FARP1: variants seen among roughly 807,000 people sequenced by gnomAD.
The protein encoded by FARP1 is FERM, ARHGEF and pleckstrin domain-containing protein 1.
In FARP1, 52 loss-of-function variants were observed where a neutral mutation model predicts 128.8. That is an observed-to-expected ratio of 0.40 (90% CI 0.32 to 0.51). The LOEUF is 0.51. Among genes scored for constraint, FARP1 ranks in the 20% least tolerant of loss-of-function variants. FARP1 has a pLI of 0.45. For synonymous variants in FARP1, 580 were observed against 551.8 expected, an observed-to-expected ratio of 1.05 and a Z score of -0.72; for missense variants, 1,333 against 1,367.9, an observed-to-expected ratio of 0.97 and a Z score of 0.40.
rs1241655054 is a variant in FARP1 at position 98,295,098 on chromosome 13, CACACACAT to C, written c.172-48662_172-48655del. 6.5e-3 allele frequency among the ~76,000 whole-genome samples: 163 copies of C among 25,218 alleles called. 3 individuals carry two copies. The highest frequency in any genetic ancestry group is 0.016 in the African/African-American group (117 of 7,534). 16.5% of individuals were successfully genotyped at this position (25,218 alleles called of 152,430 possible). On this transcript the variant is annotated intron_variant, in intron 2 of 26. Transcript: ENST00000319562. The stretch of plus-strand genomic sequence containing the variant: ...ACACACACACACACACACACACACA[CACACACAT>C]ATATCCCCAGGCATTATTTATTTAT...
intron 16 of FARP1, among the ~76,000 whole-genome samples, chr13:98,415,963 A>G (rs1192566902): frequency 6.6e-6 from 1 of 152,260 alleles, no homozygotes; most frequent in Admixed American, 6.5e-5. Flanking sequence ...TCTCCCATGC[A>G]GGGTGTTACG....
At chr13:98,399,684 C>T (rs1890686313) in intron 13 of FARP1, 1 of 152,190 alleles carries the variant, frequency 6.6e-6, no homozygotes, top group Non-Finnish European at 1.5e-5. Context: ...ACCAGCCACT[C>T]ACTGGCTGCT....
At chr13:98,278,820 G>GTTATTTATTTAT (rs370815386) in intron 2 of FARP1, among the ~76,000 whole-genome samples, 27 of 151,462 alleles carry the variant, frequency 1.8e-4, no homozygotes, top group African/African-American at 6.6e-4. Context: ...TCATTTTAAT[G>GTTATTTATTTAT]TTATTTATTT....
intron 3 of FARP1, among the ~76,000 whole-genome samples, chr13:98,361,059 G>A (rs7318969): frequency 6.6e-6 from 1 of 152,022 alleles, no homozygotes; most frequent in African/African-American, 2.4e-5. Flanking sequence ...TGTGACCCTC[G>A]CTGCATAGCA....
At chr13:98,222,401 G>A (rs4771297) in intron 2 of FARP1, among the ~76,000 whole-genome samples, 94,453 of 152,024 alleles carry the variant, frequency 0.62, 30,939 homozygotes, top group African/African-American at 0.84. Flanking sequence ...AAGTGAACCT[G>A]TGAGGCAGGT....
At chr13:98,249,830 A>G (rs969895304) in intron 2 of FARP1, among the ~76,000 whole-genome samples, 1 of 152,140 alleles carries the variant, frequency 6.6e-6, no homozygotes, top group Non-Finnish European at 1.5e-5. Flanking sequence ...TATTGACAAC[A>G]TGAAATTCCA....
In FARP1 at chr13:98,439,979, G is replaced by T; in HGVS notation, c.2452G>T (p.Glu818Ter). Residue 818 changes from glutamate (E) to a stop codon, truncating the protein, a stop_gained, in exon 22 of 27, where the codon GAG (glutamate) becomes TAG (stop). Coordinates refer to ENST00000319562, the MANE Select transcript of FARP1 (RefSeq NM_005766.4). LOFTEE classifies it high-confidence loss of function. ...CCCACAGATTGAGGAGAGCGAAGAC[G>T]AGTGGGGGGTGCCCCACTGCCTGAC... ...YGMTIEESED[E>*]WGVPHCLTLR... The T allele has an allele frequency of 6.3e-7, 1 of 1,586,308 alleles. No homozygotes were observed. Among genetic ancestry groups the T allele is most frequent in the Non-Finnish European group, 8.6e-7 (1 of 1,161,992 alleles).
chr13:98,363,504 A>G (rs1481677244), intron 3 of FARP1, among the ~76,000 whole-genome samples: 2 of 152,144 alleles, frequency 1.3e-5, no homozygotes, highest in Admixed American at 6.5e-5. Flanking sequence ...TTTGATATAC[A>G]AAGAAACCAA....
At chr13:98,295,046 T>TACACACACACACAC (rs746373395) in intron 2 of FARP1, among the ~76,000 whole-genome samples, 4 of 108,368 alleles carry the variant, frequency 3.7e-5, no homozygotes, top group Non-Finnish European at 5.4e-5. Context: ...ATATATATAT[T>TACACACACACACAC]ACACACACAC....
At chr13:98,191,982 GA>G (rs1351189083) in intron 1 of FARP1, among the ~76,000 whole-genome samples, 17 of 152,142 alleles carry the variant, frequency 1.1e-4, no homozygotes, top group African/African-American at 4.1e-4. Flanking sequence ...AAATTTTAGA[GA>G]AAAATGACTT....
chr13:98,377,300 CAAAA>C (rs78313498), intron 5 of FARP1, among the ~76,000 whole-genome samples: 1 of 99,700 alleles, frequency 1.0e-5, no homozygotes. Flanking sequence ...GACTTTGTCT[CAAAA>C]AAAAAAAAAA....
At chr13:98,322,352 C>T (rs1181799609) in intron 2 of FARP1, among the ~76,000 whole-genome samples, 1 of 152,190 alleles carries the variant, frequency 6.6e-6, no homozygotes, top group Non-Finnish European at 1.5e-5. Flanking sequence ...AGAGAGTCAG[C>T]ACCACCTGAA....
At chr13:98,261,220 G>C (rs1001764816) in intron 2 of FARP1, among the ~76,000 whole-genome samples, 1 of 152,362 alleles carries the variant, frequency 6.6e-6, no homozygotes, top group South Asian at 2.1e-4. Context: ...GGCAGCGAGA[G>C]AGGAGATGCC....
intron 2 of FARP1, 66 bp downstream of exon 2, chr13:98,213,479 C>T (rs1880860512): frequency 1.3e-5 from 19 of 1,511,174 alleles, no homozygotes; most frequent in Middle Eastern, 2.4e-4. Context: ...TGAGGAGGTT[C>T]GGCTCATTCC....
chr13:98,297,606 G>A (rs775049208), intron 2 of FARP1, among the ~76,000 whole-genome samples: 1 of 152,188 alleles, frequency 6.6e-6, no homozygotes, highest in Non-Finnish European at 1.5e-5. Context: ...AAGAAGATCT[G>A]CCTGATTCTC....
In FARP1 at chr13:98,446,813, G is replaced by C. The variant is rs369179780; in HGVS notation, c.3052G>C (p.Glu1018Gln). 1 of 1,614,030 alleles carries C rather than the reference G, an allele frequency of 6.2e-7. No homozygotes were observed. Among genetic ancestry groups the C allele is most frequent in the South Asian group, 1.1e-5 (1 of 91,058 alleles). The change falls in exon 26 of 27, where the codon GAA (glutamate) becomes CAA (glutamine). Residue 1018 changes from glutamate (E) to glutamine (Q), a missense_variant. Physicochemically the swap from Glu to Gln is conservative, Grantham distance 29 (BLOSUM62 2). Around this residue, in one of 2 missense-constraint regions of FARP1, gnomAD observed 1,009 missense variants for 969.8 expected, o/e 1.04. Transcript: ENST00000319562. The stretch of plus-strand genomic sequence containing the variant: ...CAGGGCGGAAAGCGAGTACACGTTC[G>C]AAAGGTAGACACCCCCTTCCCACGC... Reference protein sequence around the residue: ...YFRAESEYTFERWMEVIRSAT... With the variant: ...YFRAESEYTFQRWMEVIRSAT...
rs56166470 is a variant in FARP1, at chr13:98,318,950, GTTTTTTT to G, written c.172-24799_172-24793del. On this transcript the variant is annotated intron_variant, in intron 2 of 26. Transcript: ENST00000319562. ...TTCCTTTGGAGCTTAGTTTTTTCTT[GTTTTTTT>G]TTTTTTTTTTTTGTTTGTTTGTTTT... 3.7e-3 allele frequency among the ~76,000 whole-genome samples: 441 copies of G among 120,660 alleles called. 3 individuals are homozygous for G. The highest frequency in any genetic ancestry group is 0.013 in the African/African-American group (417 of 31,178). The allele number at this position is 120,660 out of a possible 152,430, so 79.2% of individuals were successfully genotyped here.
At chr13:98,208,893 A>G (rs960015549) in intron 1 of FARP1, among the ~76,000 whole-genome samples, 3 of 152,176 alleles carry the variant, frequency 2.0e-5, no homozygotes, top group Non-Finnish European at 2.9e-5. Flanking sequence ...ACTTCTGGGG[A>G]CCTACTCTTA....
intron 17 of FARP1, among the ~76,000 whole-genome samples, chr13:98,427,837 A>T (rs1891845283): frequency 6.6e-6 from 1 of 152,224 alleles, no homozygotes; most frequent in Non-Finnish European, 1.5e-5. Flanking sequence ...GCTCTGTGCA[A>T]GCAAAATAAA....
Sources: allele counts gnomAD v4.1 joint callset (sites outside exome capture counted in the v4.1 genomes callset), GRCh38; gene constraint gnomAD v4.1.1; regional missense constraint gnomAD v4.1.1; transcripts MANE v1.5; gene names NCBI Gene and HGNC (gene_info 2026-07-23, HGNC 2026-07-21).